The following ZNF717 variants were observed in gnomAD, a reference collection of about 807,000 sequenced individuals.
ZNF717 encodes zinc finger protein 717.
In ZNF717, 9 loss-of-function variants were observed where a neutral mutation model predicts 13.8. The observed-to-expected ratio is 0.65, with a 90% CI of 0.39 to 1.14. The LOEUF is 1.14. Among genes scored for constraint, ZNF717 ranks in the 50% most tolerant of loss-of-function variants. The pLI is 0.01. For missense variants in ZNF717, 1,040 were observed against 1,080.7 expected (o/e 0.96, Z 0.53); for synonymous variants, 327 against 364.1 (o/e 0.90, Z 1.16).
At chr3:75,770,119 A>G (rs1943775617) in intron 2 of ZNF717, among the ~76,000 whole-genome samples, 1 of 152,202 alleles carries the variant, frequency 6.6e-6, no homozygotes, top group African/African-American at 2.4e-5. Context: ...CCAGATGCAC[A>G]GGTCACAGGG....
downstream of ZNF717, among the ~76,000 whole-genome samples, chr3:75,708,411 C>G (rs550747360): frequency 1.3e-5 from 1 of 74,666 alleles, no homozygotes; most frequent in Non-Finnish European, 3.1e-5. Context: ...AGAGTCCTGC[C>G]TGTTAGAAGG....
intron 5 of ZNF717, among the ~76,000 whole-genome samples, chr3:75,713,690 G>A (rs1177827563): frequency 6.6e-6 from 1 of 152,026 alleles, no homozygotes; most frequent in African/African-American, 2.4e-5. Flanking sequence ...AGCCCCACAG[G>A]GTCTGTGGGT....
chr3:75,695,118 A>T (rs1447120732), intron 6 of ZNF717, among the ~76,000 whole-genome samples: 3 of 152,268 alleles, frequency 2.0e-5, no homozygotes, highest in African/African-American at 7.2e-5. Context: ...ATATATTTAG[A>T]CTGAAAATAA....
chr3:75,708,417 G>A (rs1178484444), downstream of ZNF717, among the ~76,000 whole-genome samples: 2 of 152,178 alleles, frequency 1.3e-5, no homozygotes, highest in Non-Finnish European at 2.9e-5. Flanking sequence ...CTGCCTGTTA[G>A]AAGGAAAACT....
chr3:75,708,980 A>ATCTTTTCTTTTTTTTCTTTT (rs1158118953), downstream of ZNF717, among the ~76,000 whole-genome samples: 1 of 148,168 alleles, frequency 6.7e-6, no homozygotes, highest in Non-Finnish European at 1.5e-5. Flanking sequence ...GAAGTGCCAC[A>ATCTTTTCTTTTTTTTCTTTT]TCTTTTCTTT....
chr3:75,723,807 G>C (rs1309101395), intron 4 of ZNF717, among the ~76,000 whole-genome samples: 9 of 152,148 alleles, frequency 5.9e-5, no homozygotes, highest in African/African-American at 2.2e-4. Context: ...TTAGCAGATC[G>C]GGAAAGCGAG....
intron 2 of ZNF717, among the ~76,000 whole-genome samples, chr3:75,753,669 A>G (rs1575855737): frequency 1.3e-5 from 2 of 151,174 alleles, no homozygotes; most frequent in African/African-American, 4.9e-5. Flanking sequence ...ATTCCAGAAC[A>G]CTCCTGCTGG....
intron 2 of ZNF717, among the ~76,000 whole-genome samples, chr3:75,772,890 TA>T (rs1325764451): frequency 6.6e-6 from 1 of 152,230 alleles, no homozygotes; most frequent in Non-Finnish European, 1.5e-5. Context: ...GGGATTGTGG[TA>T]AATTCTCTCT....
intron 4 of ZNF717, among the ~76,000 whole-genome samples, chr3:75,723,520 T>C (rs1433167761): frequency 1.3e-5 from 2 of 152,282 alleles, no homozygotes; most frequent in Non-Finnish European, 2.9e-5. Context: ...TGAATATTAA[T>C]AATCATTAGT....
At chr3:75,745,819 T>C (rs1277831707) in intron 2 of ZNF717, among the ~76,000 whole-genome samples, 1 of 151,644 alleles carries the variant, frequency 6.6e-6, no homozygotes, top group Non-Finnish European at 1.5e-5. Context: ...TACTGCCAAA[T>C]AATATACCAC....
chr3:75,703,845 A>G (rs1937745260), intron 6 of ZNF717, among the ~76,000 whole-genome samples: 1 of 152,310 alleles, frequency 6.6e-6, no homozygotes, highest in Non-Finnish European at 1.5e-5. Context: ...CTATCTTAAT[A>G]TGAGTAGCTA....
At chr3:75,778,770 G>C (rs968692984) in intron 2 of ZNF717, among the ~76,000 whole-genome samples, 2 of 138,744 alleles carry the variant, frequency 1.4e-5, no homozygotes, top group Non-Finnish European at 3.0e-5. Context: ...GGAGTGTCAT[G>C]CTAAACCAGA....
intron 2 of ZNF717, among the ~76,000 whole-genome samples, chr3:75,769,554 G>A (rs953324348): frequency 2.0e-5 from 3 of 152,168 alleles, no homozygotes; most frequent in African/African-American, 7.2e-5. Context: ...TAATTAAAAC[G>A]TTGAAAAACT....
intron 2 of ZNF717, among the ~76,000 whole-genome samples, chr3:75,767,930 T>C (rs572951803): frequency 3.8e-4 from 58 of 151,460 alleles, no homozygotes; most frequent in African/African-American, 1.2e-3. Flanking sequence ...AGCCACTCTA[T>C]TGACCATAAG....
rs1290956474 is a variant in ZNF717 at position 75,738,969 on chromosome 3, G to A, written c.654C>T (p.Phe218=). The change falls in exon 5 of 5, where the codon TTC becomes TTT. Residue 218 remains phenylalanine (F), a synonymous_variant. Coordinates refer to ENST00000652011, the MANE Select transcript of ZNF717 (RefSeq NM_001290208.3). The part of the protein sequence containing the change: ...TFQCNEQGKT[F]NTEAMFFIHK... Reference sequence around the variant, plus strand: ...GTATAAAGAACATTGCCTCCGTGTTGAAGGTTTTCCCTTGTTCATTACATT... The same window carrying A: ...GTATAAAGAACATTGCCTCCGTGTTAAAGGTTTTCCCTTGTTCATTACATT... The A allele has an allele frequency of 1.9e-6, 3 of 1,551,430 alleles. No individual in the cohort carries two copies. Among genetic ancestry groups the A allele is most frequent in the African/African-American group, 1.4e-5 (1 of 73,042 alleles).
downstream of ZNF717, among the ~76,000 whole-genome samples, chr3:75,729,170 G>A (rs1481198358): frequency 6.6e-6 from 1 of 151,700 alleles, no homozygotes; most frequent in Non-Finnish European, 1.5e-5. Context: ...AGGCAGAGGG[G>A]TGAGAACAGA....
At chr3:75,781,901 C>A (rs1944850078) in intron 2 of ZNF717, among the ~76,000 whole-genome samples, 1 of 152,162 alleles carries the variant, frequency 6.6e-6, no homozygotes, top group African/African-American at 2.4e-5. Flanking sequence ...CTGTAACCAT[C>A]TGTCGTTTTA....
Position 75,719,371 on chromosome 3 carries a change from C to T in ZNF717, n.545-2830G>A, listed in dbSNP as rs1332439067. Among the ~76,000 whole-genome samples, 170 of 151,796 alleles carry T rather than the reference C, an allele frequency of 1.1e-3. 3 individuals are homozygous for T. The highest frequency in any genetic ancestry group is 8.4e-3 in the East Asian group (43 of 5,134). The stretch of plus-strand genomic sequence containing the variant: ...TCATAGCAAAAATCAACAAAAGAAA[C>T]TAATGTATAACCTAGCAAAATGCAG... On this transcript the variant is annotated intron_variant and non_coding_transcript_variant, in intron 4 of 5. Coordinates refer to the ZNF717 transcript ENST00000491507.
chr3:75,695,827 C>T (rs1389089444), intron 6 of ZNF717, among the ~76,000 whole-genome samples: 7 of 152,110 alleles, frequency 4.6e-5, no homozygotes, highest in African/African-American at 1.7e-4. Context: ...AAAAGAGGTA[C>T]TATTATAAAA....
Sources: gnomAD v4.1 joint callset for allele counts (sites outside exome capture counted in the v4.1 genomes callset) on GRCh38, gnomAD v4.1.1 for gene constraint, MANE v1.5 for transcripts, NCBI Gene and HGNC (gene_info 2026-07-23, HGNC 2026-07-21) for gene names.